SGCZ: variants seen among roughly 807,000 people sequenced by gnomAD.
SGCZ encodes the protein zeta-sarcoglycan.
In SGCZ, 40 loss-of-function variants were observed where a neutral mutation model predicts 41.3. That is an observed-to-expected ratio of 0.97 (90% CI 0.75 to 1.26). The LOEUF (loss-of-function observed/expected upper bound fraction) is 1.26, where lower values mean the gene tolerates loss of function less well. Among genes scored for constraint, SGCZ ranks in the 50% most tolerant of loss-of-function variants. The pLI is 0.00. For missense variants in SGCZ, 552 were observed against 369.8 expected (o/e 1.49, Z -4.04); for synonymous variants, 206 against 137.5 (o/e 1.50, Z -3.49).
At chr8:14,861,431 G>T (rs753960349) in intron 1 of SGCZ, among the ~76,000 whole-genome samples, 1 of 152,046 alleles carries the variant, frequency 6.6e-6, no homozygotes, top group African/African-American at 2.4e-5. Flanking sequence ...AATGAAATGC[G>T]TATATATGTA....
chr8:15,101,414 C>G (rs1806607418), intron 1 of SGCZ, among the ~76,000 whole-genome samples: 1 of 152,046 alleles, frequency 6.6e-6, no homozygotes, highest in Admixed American at 6.6e-5. Flanking sequence ...AACAACCTAA[C>G]TGAGAAATAG....
chr8:14,278,162 A>T (rs557164193), intron 3 of SGCZ, among the ~76,000 whole-genome samples: 7 of 152,094 alleles, frequency 4.6e-5, no homozygotes, highest in African/African-American at 1.2e-4. Context: ...TCTCCCTAAA[A>T]ATTACTTATT....
intron 1 of SGCZ, among the ~76,000 whole-genome samples, chr8:14,566,024 C>G (rs1214263962): frequency 5.3e-5 from 8 of 152,010 alleles, no homozygotes; most frequent in Admixed American, 1.3e-4. Context: ...ATTCGTTCTG[C>G]TTTGGGTTAT....
At chr8:14,309,295 A>T in intron 3 of SGCZ, 1 of 1,582,982 alleles carries the variant, frequency 6.3e-7, no homozygotes, top group South Asian at 1.1e-5. Flanking sequence ...GTGACTACTC[A>T]CTTTTTAAGG....
chr8:15,069,371 A>T (rs1234992867), intron 1 of SGCZ, among the ~76,000 whole-genome samples: 1 of 152,202 alleles, frequency 6.6e-6, no homozygotes, highest in African/African-American at 2.4e-5. Flanking sequence ...GTCAAAGTCT[A>T]GAATTGCTTA....
chr8:14,349,477 G>T (rs184217706), intron 2 of SGCZ, among the ~76,000 whole-genome samples: 1 of 130,350 alleles, frequency 7.7e-6, no homozygotes, highest in Non-Finnish European at 1.6e-5. Context: ...ACTAATTCTT[G>T]CCATGGAATT....
At chr8:14,556,803 C>T (rs886533304) in intron 1 of SGCZ, among the ~76,000 whole-genome samples, 2 of 151,980 alleles carry the variant, frequency 1.3e-5, no homozygotes, top group African/African-American at 4.8e-5. Flanking sequence ...AGTAGTATTC[C>T]ACTGTACATA....
intron 2 of SGCZ, among the ~76,000 whole-genome samples, chr8:14,536,452 A>C (rs1189963198): frequency 6.6e-6 from 1 of 151,836 alleles, no homozygotes; most frequent in African/African-American, 2.4e-5. Flanking sequence ...TTTGAACGAG[A>C]TCTACTTTTG....
intron 1 of SGCZ, among the ~76,000 whole-genome samples, chr8:14,613,797 C>T (rs1158373424): frequency 6.6e-6 from 1 of 151,982 alleles, no homozygotes; most frequent in African/African-American, 2.4e-5. Context: ...ATGAAGTTGG[C>T]CACTCTTTTC....
At chr8:14,629,071 TG>T (rs1806558054) in intron 1 of SGCZ, among the ~76,000 whole-genome samples, 1 of 152,144 alleles carries the variant, frequency 6.6e-6, no homozygotes, top group African/African-American at 2.4e-5. Context: ...TGACCAGATT[TG>T]GGGAAAAATT....
intron 1 of SGCZ, among the ~76,000 whole-genome samples, chr8:14,799,681 T>TA (rs111382922): frequency 0.067 from 9,616 of 143,664 alleles, 659 homozygotes; most frequent in African/African-American, 0.2. Flanking sequence ...AAGGGCAAAA[T>TA]AAAAAAAAAT....
At chr8:14,456,036 G>A (rs1025401399) in intron 2 of SGCZ, among the ~76,000 whole-genome samples, 2 of 152,104 alleles carry the variant, frequency 1.3e-5, no homozygotes, top group African/African-American at 4.8e-5. Context: ...TTGGGGGGAA[G>A]GTGAAAACGT....
chr8:14,877,267 C>G (rs1008137318), intron 1 of SGCZ, among the ~76,000 whole-genome samples: 1 of 152,150 alleles, frequency 6.6e-6, no homozygotes, highest in Non-Finnish European at 1.5e-5. Context: ...GCCACCACAC[C>G]AAGCCAGAGC....
chr8:14,126,580 T>C (rs1273499139), intron 5 of SGCZ, among the ~76,000 whole-genome samples: 6 of 152,196 alleles, frequency 3.9e-5, no homozygotes, highest in African/African-American at 9.7e-5. Flanking sequence ...AGTGTAGCAT[T>C]TCCTCAAGAA....
chr8:14,533,987 A>G (rs2117132589), intron 2 of SGCZ, among the ~76,000 whole-genome samples: 1 of 152,104 alleles, frequency 6.6e-6, no homozygotes, highest in Non-Finnish European at 1.5e-5. Context: ...CACAGCAGCA[A>G]GGCTCATTCT....
At chr8:14,339,669 A>T (rs1802633673) in intron 2 of SGCZ, among the ~76,000 whole-genome samples, 1 of 152,206 alleles carries the variant, frequency 6.6e-6, no homozygotes, top group Admixed American at 6.5e-5. Flanking sequence ...CTTGCTGAGT[A>T]AAGTATAGTG....
chr8:14,824,301 T>C (rs1156972591), intron 1 of SGCZ, among the ~76,000 whole-genome samples: 1 of 152,114 alleles, frequency 6.6e-6, no homozygotes, highest in East Asian at 1.9e-4. Context: ...ATACACTGAC[T>C]ACCGATTATT....
At chr8:14,132,237 C>G (rs997197286) in intron 5 of SGCZ, among the ~76,000 whole-genome samples, 2 of 152,084 alleles carry the variant, frequency 1.3e-5, no homozygotes, top group African/African-American at 4.8e-5. Flanking sequence ...TGCTACTGAG[C>G]TTGGCTAGTA....
intron 6 of SGCZ, among the ~76,000 whole-genome samples, chr8:14,104,368 G>C (rs777041838): frequency 1.3e-5 from 2 of 151,812 alleles, no homozygotes; most frequent in Non-Finnish European, 1.5e-5. Flanking sequence ...TTTTTTTATG[G>C]TGTTTATGTA....
Sources: gnomAD v4.1 joint callset for allele counts (sites outside exome capture counted in the v4.1 genomes callset) on GRCh38, gnomAD v4.1.1 for gene constraint, MANE v1.5 for transcripts, NCBI Gene and HGNC (gene_info 2026-07-23, HGNC 2026-07-21) for gene names.